Variants in PIK3CB observed in about 807,000 individuals in gnomAD.
The protein encoded by PIK3CB is phosphatidylinositol 4,5-bisphosphate 3-kinase catalytic subunit beta isoform.
A neutral mutation model predicts 136.8 loss-of-function variants in PIK3CB; 39 were observed. The ratio of observed to expected loss-of-function variants is 0.29; its 90% confidence interval spans 0.22 to 0.37. The LOEUF (loss-of-function observed/expected upper bound fraction) is 0.37. Ranked by LOEUF, PIK3CB falls within the 10% of genes least tolerant of loss-of-function variation. The pLI, the probability that PIK3CB is intolerant of heterozygous loss-of-function variation, is 1.00. For missense variants in PIK3CB, 868 were observed against 1,275.4 expected (o/e 0.68, Z 4.87); for synonymous variants, 428 against 436.6 (o/e 0.98, Z 0.25).
intron 1 of PIK3CB, among the ~76,000 whole-genome samples, chr3:138,831,457 G>A (rs1934035516): frequency 6.6e-6 from 1 of 151,578 alleles, no homozygotes; most frequent in Admixed American, 6.6e-5. Context: ...GTGGTGGCGG[G>A]TGCCTGTAAT....
chr3:138,828,954 ATTTTTT>A (rs34176247), intron 1 of PIK3CB, among the ~76,000 whole-genome samples: 31 of 130,832 alleles, frequency 2.4e-4, no homozygotes, highest in East Asian at 1.5e-3. Context: ...CACCAGGCTA[ATTTTTT>A]TTTTTTTTTT....
chr3:138,689,589 A>G (rs1338329040), intron 15 of PIK3CB, among the ~76,000 whole-genome samples: 1 of 152,142 alleles, frequency 6.6e-6, no homozygotes, highest in African/African-American at 2.4e-5. Flanking sequence ...ACGCCTGGCT[A>G]CTTTGTGCAT....
At position 138,655,398 on chromosome 3, in the gene PIK3CB, G is replaced by A. The variant is rs2108381031; in HGVS notation, c.3204C>T (p.Tyr1068=). 1.2e-6 allele frequency: 2 copies of A among 1,614,088 alleles called. No individual in the cohort carries two copies. Among genetic ancestry groups the A allele is most frequent in the Non-Finnish European group, 1.7e-6 (2 of 1,179,938 alleles). ...NWMAHTVRKD[Y]RS ...GAGCGAAGGCTGATCGTTAAGATCT[G>A]TAGTCTTTCCGAACTGTGTGGGCCA... is the stretch of plus-strand genomic sequence containing the variant. The change falls in exon 24 of 24, where the codon TAC becomes TAT. Residue 1068 remains tyrosine (Y), a synonymous_variant. Coordinates refer to ENST00000674063, the MANE Select transcript of PIK3CB (RefSeq NM_006219.3).
At chr3:138,809,973 G>A (rs1443499498) in intron 1 of PIK3CB, among the ~76,000 whole-genome samples, 1 of 151,944 alleles carries the variant, frequency 6.6e-6, no homozygotes, top group African/African-American at 2.4e-5. Context: ...AGTAAGCCTT[G>A]AATATCTTGT....
intron 1 of PIK3CB, among the ~76,000 whole-genome samples, chr3:138,813,562 C>T (rs1443134656): frequency 6.6e-6 from 1 of 151,778 alleles, no homozygotes; most frequent in African/African-American, 2.4e-5. Context: ...GGACTACAGG[C>T]GCCCACCACC....
chr3:138,656,580 A>G (rs549808084), intron 22 of PIK3CB, among the ~76,000 whole-genome samples: 93 of 152,292 alleles, frequency 6.1e-4, no homozygotes, highest in African/African-American at 2.0e-3. Flanking sequence ...GAGACACAAG[A>G]ACTGATTATT....
At chr3:138,689,107 C>T (rs1416937082) in intron 15 of PIK3CB, 133 bp from the exon 16 acceptor site, 1 of 607,802 alleles carries the variant, frequency 1.6e-6, no homozygotes, top group Non-Finnish European at 3.0e-6. Context: ...TTATTTCCTT[C>T]CTCCCTTCCT....
chr3:138,833,256 G>A (rs1406062246), intron 1 of PIK3CB, among the ~76,000 whole-genome samples: 2 of 151,618 alleles, frequency 1.3e-5, no homozygotes, highest in African/African-American at 2.4e-5. Flanking sequence ...TGGTAGAGAC[G>A]GGGTTTCACC....
intron 4 of PIK3CB, among the ~76,000 whole-genome samples, chr3:138,754,142 A>T (rs1478179980): frequency 2.0e-5 from 3 of 152,140 alleles, no homozygotes; most frequent in Admixed American, 1.3e-4. Flanking sequence ...AACCTTTTAT[A>T]ATGGACAAAA....
chr3:138,825,696 G>T, intron 1 of PIK3CB: 1 of 660,654 alleles, frequency 1.5e-6, no homozygotes, highest in Middle Eastern at 4.1e-4. Context: ...TGTCTCTCCA[G>T]GATGTCTACA....
chr3:138,824,264 GCCTGGTGGTCT>G (rs1342993064), intron 1 of PIK3CB, among the ~76,000 whole-genome samples: 1 of 152,138 alleles, frequency 6.6e-6, no homozygotes, highest in African/African-American at 2.4e-5. Flanking sequence ...ATCAGCATTT[GCCTGGTGGTCT>G]CCTGAATGCC....
rs531497930 is a variant in PIK3CB at position 138,806,584 on chromosome 3, G to A, written c.-121-10017C>T. Among the ~76,000 whole-genome samples, 9 of 152,316 alleles carry A rather than the reference G, an allele frequency of 5.9e-5. No individual in the cohort carries two copies. The East Asian group carries it at 1.7e-3, about 29-fold the overall frequency. ...AGAGTGACATAGTTGTATGGACAAT[G>A]CTAGAACTGAAGAGAGGAAGCTCTG... On this transcript the variant is annotated intron_variant, in intron 1 of 23. Transcript: ENST00000674063.
chr3:138,697,659 C>T (rs937994876), intron 13 of PIK3CB, among the ~76,000 whole-genome samples: 1 of 152,048 alleles, frequency 6.6e-6, no homozygotes, highest in Admixed American at 6.6e-5. Context: ...TCTTAAATTG[C>T]TGAGCTGGTC....
At chr3:138,831,271 A>AAATTAAATT (rs1559896092) in intron 1 of PIK3CB, among the ~76,000 whole-genome samples, 4 of 139,666 alleles carry the variant, frequency 2.9e-5, no homozygotes, top group African/African-American at 1.3e-4. Flanking sequence ...TAAATAAAAT[A>AAATTAAATT]AAATAAAATA....
At chr3:138,783,460 A>G (rs1386647641) in intron 2 of PIK3CB, among the ~76,000 whole-genome samples, 1 of 152,016 alleles carries the variant, frequency 6.6e-6, no homozygotes, top group South Asian at 2.1e-4. Context: ...CATTTTTTGT[A>G]GAGACAAGAT....
chr3:138,671,955 T>C (rs2043542240), intron 19 of PIK3CB, among the ~76,000 whole-genome samples: 1 of 152,160 alleles, frequency 6.6e-6, no homozygotes, highest in South Asian at 2.1e-4. Flanking sequence ...GTGTCTGTAA[T>C]GAGCTAGAAA....
chr3:138,733,213 A>C (rs937323996), intron 8 of PIK3CB, 148 bp downstream of exon 8: 9 of 409,912 alleles, frequency 2.2e-5, no homozygotes, highest in African/African-American at 2.1e-5. Context: ...AAAATTCTCA[A>C]TAGTCTTATA....
At chr3:138,658,479 T>A (rs1190168546) in intron 21 of PIK3CB, among the ~76,000 whole-genome samples, 1 of 151,992 alleles carries the variant, frequency 6.6e-6, no homozygotes, top group Non-Finnish European at 1.5e-5. Context: ...AAAAAGTACA[T>A]CCTTGCCCTA....
At chr3:138,713,654 G>C (rs1576349148) in intron 9 of PIK3CB, among the ~76,000 whole-genome samples, 1 of 152,122 alleles carries the variant, frequency 6.6e-6, no homozygotes, top group Non-Finnish European at 1.5e-5. Flanking sequence ...CCAGGTGACA[G>C]TGTGAGACTC....
Sources: allele counts gnomAD v4.1 joint callset (sites outside exome capture counted in the v4.1 genomes callset), GRCh38; gene constraint gnomAD v4.1.1; transcripts MANE v1.5; gene names NCBI Gene and HGNC (gene_info 2026-07-23, HGNC 2026-07-21).